Variants in CP observed in about 807,000 individuals in gnomAD.
CP encodes ceruloplasmin.
Under a neutral mutation model 122.4 loss-of-function variants are expected in CP, and 64 were observed. The ratio of observed to expected loss-of-function variants is 0.52; its 90% confidence interval spans 0.43 to 0.64. The LOEUF (loss-of-function observed/expected upper bound fraction) is 0.64, where lower values mean the gene tolerates loss of function less well. CP is among the 30% of genes least tolerant of loss of function. CP has a pLI of 0.00. For synonymous variants in CP, 440 were observed against 436.4 expected, an observed-to-expected ratio of 1.01 and a Z score of -0.10; for missense variants, 1,167 against 1,284.4, an observed-to-expected ratio of 0.91 and a Z score of 1.40.
At chr3:149,209,064 T>C (rs1039648503) in intron 4 of CP, 147 bp downstream of exon 4, 4 of 1,034,082 alleles carry the variant, frequency 3.9e-6, no homozygotes, top group Non-Finnish European at 5.6e-6. Context: ...CTTACTTAGC[T>C]GAATATCAAA....
intron 10 of CP, among the ~76,000 whole-genome samples, 184 bp from the exon 11 acceptor site, chr3:149,186,916 G>T (rs919882317): frequency 1.3e-5 from 2 of 152,118 alleles, no homozygotes; most frequent in Non-Finnish European, 2.9e-5. Context: ...CAGAGCAGCC[G>T]CTGGCTGAAA....
At chr3:149,181,883 C>T (rs938797908) in intron 14 of CP, 122 bp downstream of exon 14, 18 of 1,116,030 alleles carry the variant, frequency 1.6e-5, no homozygotes, top group Non-Finnish European at 2.4e-5. Flanking sequence ...CCTTGCATCC[C>T]CTCTTCACAA....
rs753254095 is a variant in CP at position 149,210,165 on chromosome 3, AC to A, written c.607+1del. ...AGCATGTGCAATAAGGAGAAGATGTACCTTTTTTACAGATTATTAAAGGTCC... is the reference window on the plus strand; with the variant it reads ...AGCATGTGCAATAAGGAGAAGATGTACTTTTTTACAGATTATTAAAGGTCC... On this transcript the variant is annotated splice_donor_variant, in intron 3 of 18. Transcript: ENST00000264613. LOFTEE classifies it high-confidence loss of function. 9 of 1,613,606 alleles carry A rather than the reference AC, an allele frequency of 5.6e-6. No homozygotes were observed. In the East Asian group the frequency reaches 1.8e-4, roughly 32 times the overall value.
At chr3:149,164,009 A>T (rs1724159939) in intron 5 of CP, 1 of 895,046 alleles carries the variant, frequency 1.1e-6, no homozygotes, top group African/African-American at 1.6e-5. Context: ...TGTAAGATTA[A>T]ATTTGCTGAG....
chr3:149,217,650 T>C (rs1450721555), intron 1 of CP, among the ~76,000 whole-genome samples: 1 of 152,222 alleles, frequency 6.6e-6, no homozygotes, highest in African/African-American at 2.4e-5. Context: ...TGTTAAACTT[T>C]CAATATGCCC....
At chr3:149,197,820 G>A (rs1726999568) in intron 9 of CP, among the ~76,000 whole-genome samples, 1 of 152,156 alleles carries the variant, frequency 6.6e-6, no homozygotes, top group South Asian at 2.1e-4. Flanking sequence ...GATCTGACAG[G>A]AGGCAGAGCT....
intron 5 of CP, among the ~76,000 whole-genome samples, chr3:149,164,754 T>A (rs1724236371): frequency 6.6e-6 from 1 of 152,174 alleles, no homozygotes; most frequent in South Asian, 2.1e-4. Flanking sequence ...CCGCAGCCCC[T>A]CCTTGGGCAG....
rs374197403 is a variant in CP, at chr3:149,167,238, C to T, written c.587-1188G>A. 11 of 1,609,734 alleles carry T rather than the reference C, an allele frequency of 6.8e-6. No homozygotes were observed. The highest frequency in any genetic ancestry group is 4.0e-5 in the African/African-American group (3 of 74,790). ...TAATCATGAACTGAAAGAAGAGAACCGGGTATGCTTTTTCAGATTATGTTT... is the reference window on the plus strand; with the variant it reads ...TAATCATGAACTGAAAGAAGAGAACTGGGTATGCTTTTTCAGATTATGTTT... On this transcript the variant is annotated intron_variant, in intron 4 of 5. Coordinates refer to the CP transcript ENST00000479771.
In CP at chr3:149,198,420, T is replaced by G. The variant is rs1247670167; in HGVS notation, c.1660A>C (p.Ile554Leu). 2 of 1,613,742 alleles carry G rather than the reference T, an allele frequency of 1.2e-6. No homozygotes were observed. The highest frequency in any genetic ancestry group is 2.7e-5 in the African/African-American group (2 of 74,936). ...TTCTTGCATATTTTCATTGGCCCAA[T>G]AAGCCCAGTGAATATATCTTTAGTG... ...EPTKDIFTGL[I>L]GPMKICKKGS... Residue 554 changes from isoleucine (I) to leucine (L), a missense_variant, in exon 9 of 19, where the codon ATT becomes CTT. By Grantham distance (5) the Ile-to-Leu change is conservative. This residue lies in a region of CP where 525 missense variants were observed against 657.2 expected (regional missense o/e 0.80). Coordinates refer to ENST00000264613, the MANE Select transcript of CP (RefSeq NM_000096.4).
downstream of CP, among the ~76,000 whole-genome samples, chr3:149,170,089 A>G (rs1397385564): frequency 6.6e-6 from 1 of 152,232 alleles, no homozygotes; most frequent in Non-Finnish European, 1.5e-5. Context: ...GATTAAATAA[A>G]TAAAAACCTC....
At chr3:149,181,975 C>CTGGGGGGGGG in intron 14 of CP, 30 bp downstream of exon 14, 2 of 1,088,426 alleles carry the variant, frequency 1.8e-6, no homozygotes, top group Non-Finnish European at 2.7e-6. Flanking sequence ...TGTTAAAATG[C>CTGGGGGGGGG]ACCACCCCCA....
intron 18 of CP, among the ~76,000 whole-genome samples, chr3:149,173,978 C>G (rs1725230000): frequency 6.6e-6 from 1 of 152,094 alleles, no homozygotes; most frequent in African/African-American, 2.4e-5. Context: ...ATGGAGACAC[C>G]TGGCAGACAC....
At position 149,173,143 on chromosome 3, in the gene CP, A is replaced by G. The variant is rs1039676203; in HGVS notation, c.*571T>C. On this transcript the variant is annotated 3_prime_UTR_variant, in exon 19 of 19. Coordinates refer to ENST00000264613, the MANE Select transcript of CP (RefSeq NM_000096.4). ...GTTTGTCCTTACCAGGATTTAATCT[A>G]TAGAATTGTCTCTCAACTCTGCTTT... 2.6e-5 allele frequency: 4 copies of G among 152,246 alleles called. No individual in the cohort carries two copies. Among genetic ancestry groups the G allele is most frequent in the Admixed American group, 6.5e-5 (1 of 15,290 alleles). 9.4% of individuals were successfully genotyped at this position (152,246 alleles called of 1,614,324 possible).
In CP at chr3:149,185,463, G is replaced by C. The variant is rs764850505; in HGVS notation, c.2078-17C>G. ...TAAAAGTCCCTGGAGTGGTAAATAAGAAAACATGTCACTTCTTTGCTAGTG... is the reference window on the plus strand; with the variant it reads ...TAAAAGTCCCTGGAGTGGTAAATAACAAAACATGTCACTTCTTTGCTAGTG... On this transcript the variant is annotated splice_polypyrimidine_tract_variant and intron_variant, in intron 11 of 18. Transcript: ENST00000264613. 2 of 1,612,818 alleles carry C rather than the reference G, an allele frequency of 1.2e-6. No homozygotes were observed. The highest frequency in any genetic ancestry group is 1.7e-6 in the Non-Finnish European group (2 of 1,179,006).
chr3:149,204,226 A>C (rs772164365), intron 6 of CP, among the ~76,000 whole-genome samples: 1 of 152,182 alleles, frequency 6.6e-6, no homozygotes, highest in Non-Finnish European at 1.5e-5. Context: ...AGATTTAAGC[A>C]TTCAGGATTA....
intron 9 of CP, among the ~76,000 whole-genome samples, chr3:149,189,336 G>A (rs1332808734): frequency 1.3e-5 from 2 of 152,000 alleles, no homozygotes; most frequent in African/African-American, 4.8e-5. Flanking sequence ...TGTGGATCAC[G>A]AGGTCAGGAG....
intron 4 of CP, among the ~76,000 whole-genome samples, 163 bp from the exon 5 acceptor site, chr3:149,207,780 C>T (rs1727847720): frequency 2.0e-5 from 3 of 152,136 alleles, no homozygotes; most frequent in Admixed American, 6.6e-5. Flanking sequence ...TCAATCACAG[C>T]ACTCTTTCAT....
intron 1 of CP, chr3:149,217,871 G>T: frequency 2.2e-6 from 1 of 447,228 alleles, no homozygotes; most frequent in Non-Finnish European, 4.6e-6. Flanking sequence ...ATTACCGTAA[G>T]GTGGAATGTT....
chr3:149,215,329 A>G (rs1728395858), intron 1 of CP, among the ~76,000 whole-genome samples: 1 of 152,236 alleles, frequency 6.6e-6, no homozygotes, highest in African/African-American at 2.4e-5. Context: ...ATTGCCATAA[A>G]CAAATACCTA....
Sources: allele counts gnomAD v4.1 joint callset (sites outside exome capture counted in the v4.1 genomes callset), GRCh38; gene constraint gnomAD v4.1.1; regional missense constraint gnomAD v4.1.1; transcripts MANE v1.5; gene names NCBI Gene and HGNC (gene_info 2026-07-23, HGNC 2026-07-21).